MYT1L: variants seen among roughly 807,000 people sequenced by gnomAD.
MYT1L encodes myelin transcription factor 1-like protein.
Under a neutral mutation model 126.7 loss-of-function variants are expected in MYT1L, and 12 were observed. The observed-to-expected ratio is 0.09, with a 90% CI of 0.06 to 0.15. The LOEUF (loss-of-function observed/expected upper bound fraction) is 0.15, where lower values mean the gene tolerates loss of function less well. Among genes scored for constraint, MYT1L ranks in the 10% least tolerant of loss-of-function variants. MYT1L has a pLI of 1.00. For synonymous variants in MYT1L, 541 were observed against 604.2 expected (o/e 0.90, Z 1.53); for missense variants, 979 against 1,585.2 (o/e 0.62, Z 6.49).
At chr2:1,871,823 T>A (rs753204917) in intron 18 of MYT1L, among the ~76,000 whole-genome samples, 1 of 152,132 alleles carries the variant, frequency 6.6e-6, no homozygotes, top group Non-Finnish European at 1.5e-5. Flanking sequence ...AAGATGCCAC[T>A]AGCATGGATA....
intron 21 of MYT1L, among the ~76,000 whole-genome samples, chr2:1,813,831 T>G (rs893753264): frequency 3.0e-5 from 4 of 131,208 alleles, no homozygotes; most frequent in Non-Finnish European, 6.5e-5. Flanking sequence ...ATCGAGACCA[T>G]CCTGGCTAAC....
At position 1,929,990 on chromosome 2, in the gene MYT1L, C is replaced by T. The variant is rs1409828403; in HGVS notation, c.506-6727G>A. Among the ~76,000 whole-genome samples, 1 of 152,234 alleles carries T rather than the reference C, an allele frequency of 6.6e-6. No homozygotes were observed. The highest frequency in any genetic ancestry group is 1.5e-5 in the Non-Finnish European group (1 of 68,052). ...GAGACATAGGAAGATCCGTGTTTAG[C>T]AGGCATTCATCTGCTTCGAGTCAGA... is the stretch of plus-strand genomic sequence containing the variant. On this transcript the variant is annotated intron_variant, in intron 9 of 24. Transcript: ENST00000647738. The surrounding 1 kb of genome is among the most constrained non-coding windows in gnomAD (Gnocchi z 4.7).
At chr2:1,830,005 G>A (rs866195833) in intron 21 of MYT1L, among the ~76,000 whole-genome samples, 2 of 152,186 alleles carry the variant, frequency 1.3e-5, no homozygotes, top group African/African-American at 2.4e-5. Flanking sequence ...GTGCAGCGCC[G>A]AGCGAGGTGC....
rs776330906 is a variant in MYT1L, at chr2:1,910,332, C to T, written c.1725G>A (p.Pro575=). ...RNSHRSLSGC[P]IAAAEKLAKA... ...TGGCCAGTTTCTCTGCTGCAGCGATCGGGCATCCGGAGAGGCTGCAATCAC... is the reference window on the plus strand; with the variant it reads ...TGGCCAGTTTCTCTGCTGCAGCGATTGGGCATCCGGAGAGGCTGCAATCAC... Residue 575 remains proline, a synonymous_variant, in exon 13 of 25, where the codon CCG becomes CCA. Coordinates refer to ENST00000647738, the MANE Select transcript of MYT1L (RefSeq NM_001303052.2). The surrounding 1 kb of genome is among the most constrained non-coding windows in gnomAD (Gnocchi z 4.8). 41 of 1,611,818 alleles carry T rather than the reference C, an allele frequency of 2.5e-5. 1 individual carries two copies. The highest frequency in any genetic ancestry group is 1.3e-4 in the African/African-American group (10 of 74,916).
intron 21 of MYT1L, chr2:1,826,169 C>T (rs2039307973): frequency 6.6e-6 from 1 of 152,360 alleles, no homozygotes; most frequent in African/African-American, 2.4e-5. Flanking sequence ...TGGGCTTCCA[C>T]CATGGGAAAA....
intron 8 of MYT1L, among the ~76,000 whole-genome samples, chr2:1,949,796 C>T (rs6720050): frequency 0.093 from 14,103 of 152,082 alleles, 1,182 homozygotes; most frequent in African/African-American, 0.23. Flanking sequence ...GAGCGGGGCT[C>T]GGAACGTCAG....
intron 1 of MYT1L, among the ~76,000 whole-genome samples, chr2:2,295,763 CAGACAG>C (rs1398256838): frequency 4.6e-4 from 13 of 28,532 alleles, no homozygotes; most frequent in Non-Finnish European, 1.3e-3. Flanking sequence ...GACAGACAGA[CAGACAG>C]AGAGAGAGAT....
rs1218931529 is a variant in MYT1L at position 1,852,988 on chromosome 2, C to A, written c.2712-1285G>T. ...CTTTCTCAAGATCAGAGGAGAATGGCAGGGATTAGAGTGGGAACACATGAC... is the reference window on the plus strand; with the variant it reads ...CTTTCTCAAGATCAGAGGAGAATGGAAGGGATTAGAGTGGGAACACATGAC... On this transcript the variant is annotated intron_variant, in intron 18 of 24. Transcript: ENST00000647738. The surrounding 1 kb of genome is among the most constrained non-coding windows in gnomAD (Gnocchi z 4.0). Among the ~76,000 whole-genome samples the A allele has an allele frequency of 6.6e-6, 1 of 152,140 alleles. No individual in the cohort carries two copies. Among genetic ancestry groups the A allele is most frequent in the Non-Finnish European group, 1.5e-5 (1 of 68,034 alleles).
chr2:2,161,356 T>C (rs557222847), intron 3 of MYT1L, among the ~76,000 whole-genome samples: 30 of 152,364 alleles, frequency 2.0e-4, no homozygotes, highest in Middle Eastern at 3.4e-3. Context: ...AAAAGAACTA[T>C]TATTTTTAGG....
intron 18 of MYT1L, among the ~76,000 whole-genome samples, chr2:1,857,846 T>C (rs1370730230): frequency 6.6e-6 from 1 of 150,706 alleles, no homozygotes; most frequent in Non-Finnish European, 1.5e-5. Flanking sequence ...AAAAATTTTT[T>C]AAAATACATA....
intron 18 of MYT1L, among the ~76,000 whole-genome samples, chr2:1,859,608 T>C (rs1204145152): frequency 2.0e-5 from 3 of 152,234 alleles, no homozygotes. Flanking sequence ...GCCCAATAAC[T>C]GTAGTAACCA....
intron 1 of MYT1L, among the ~76,000 whole-genome samples, chr2:2,295,509 G>A (rs189514048): frequency 5.3e-5 from 8 of 150,908 alleles, no homozygotes; most frequent in African/African-American, 1.7e-4. Context: ...GAGTGTGGGG[G>A]TGGGGGCAGA....
intron 9 of MYT1L, among the ~76,000 whole-genome samples, chr2:1,937,066 G>A (rs1228229832): frequency 6.6e-6 from 1 of 152,180 alleles, no homozygotes; most frequent in Non-Finnish European, 1.5e-5. Context: ...CCCATGCACA[G>A]GACTGATTTA....
chr2:1,903,389 A>G, intron 13 of MYT1L, 95 bp from the exon 14 acceptor site: 2 of 1,003,978 alleles, frequency 2.0e-6, no homozygotes, highest in Non-Finnish European at 3.0e-6. Context: ...TACTTTTTTA[A>G]ATGTGTTAAA....
intron 3 of MYT1L, among the ~76,000 whole-genome samples, chr2:2,083,664 G>A (rs1181171653): frequency 1.3e-5 from 2 of 152,238 alleles, no homozygotes; most frequent in Non-Finnish European, 2.9e-5. Context: ...ACTTTGGAGA[G>A]GAGCAGGACT....
At chr2:2,124,772 G>C (rs1054621694) in intron 3 of MYT1L, among the ~76,000 whole-genome samples, 1 of 152,132 alleles carries the variant, frequency 6.6e-6, no homozygotes, top group African/African-American at 2.4e-5. Context: ...GGGTGGTCCC[G>C]ACACAAAGGC....
chr2:1,802,080 T>C, intron 22 of MYT1L: 1 of 309,646 alleles, frequency 3.2e-6, no homozygotes, highest in Non-Finnish European at 5.9e-6. Context: ...ACAGTTAACC[T>C]GGGTCTTAGA....
In MYT1L at chr2:2,228,371, G is replaced by T. The variant is rs1467605192; in HGVS notation, c.-420-55383C>A. The stretch of plus-strand genomic sequence containing the variant: ...TAATAATAATTTAGCTAGCCACATG[G>T]TTACTTACCATTGTGTTAGATTTTG... On this transcript the variant is annotated intron_variant, in intron 2 of 24. Coordinates refer to ENST00000647738, the MANE Select transcript of MYT1L (RefSeq NM_001303052.2). This position sits in a 1 kb window ranked among gnomAD's most constrained non-coding sequence, Gnocchi z 5.9. Among the ~76,000 whole-genome samples, 2 of 152,186 alleles carry T rather than the reference G, an allele frequency of 1.3e-5. No individual in the cohort carries two copies. Among genetic ancestry groups the T allele is most frequent in the East Asian group, 1.9e-4 (1 of 5,194 alleles).
intron 2 of MYT1L, among the ~76,000 whole-genome samples, chr2:2,257,008 A>G (rs559751618): frequency 2.0e-5 from 3 of 152,310 alleles, no homozygotes; most frequent in African/African-American, 7.2e-5. Context: ...CAGATTTTCA[A>G]TGTTCCCCTT....
Sources: gnomAD v4.1 joint callset for allele counts (sites outside exome capture counted in the v4.1 genomes callset) on GRCh38, gnomAD v4.1.1 for gene constraint, Gnocchi (gnomAD v3.1) non-coding constraint, MANE v1.5 for transcripts, NCBI Gene and HGNC (gene_info 2026-07-23, HGNC 2026-07-21) for gene names.